The following ZNF341 variants were observed in gnomAD, a reference collection of about 807,000 sequenced individuals.
The protein encoded by ZNF341 is zinc finger protein 341.
Under a neutral mutation model 87.7 loss-of-function variants are expected in ZNF341, and 52 were observed. That is an observed-to-expected ratio of 0.59 (90% CI 0.47 to 0.75). ZNF341 has a LOEUF of 0.75. ZNF341 is among the 30% of genes least tolerant of loss of function. ZNF341 has a pLI of 0.00. For synonymous variants in ZNF341, 459 were observed against 472.7 expected, an observed-to-expected ratio of 0.97 and a Z score of 0.38; for missense variants, 977 against 1,145.9, an observed-to-expected ratio of 0.85 and a Z score of 2.13.
intron 3 of ZNF341, 127 bp downstream of exon 3, chr20:33,745,426 G>A (rs778363581): frequency 3.8e-5 from 34 of 890,816 alleles, no homozygotes; most frequent in South Asian, 2.4e-4. Context: ...GGAGTGGGGC[G>A]AGATGGATGG....
chr20:33,756,429 C>T (rs1281385648), intron 5 of ZNF341, among the ~76,000 whole-genome samples: 1 of 150,720 alleles, frequency 6.6e-6, no homozygotes, highest in Non-Finnish European at 1.5e-5. Flanking sequence ...TGCAGTGGCG[C>T]GATCTCGGCC....
At chr20:33,750,381 G>A (rs1253326259) in intron 4 of ZNF341, among the ~76,000 whole-genome samples, 6 of 152,124 alleles carry the variant, frequency 3.9e-5, no homozygotes, top group Non-Finnish European at 8.8e-5. Context: ...TTTCTCAACC[G>A]AGACTTTTTT....
intron 1 of ZNF341, among the ~76,000 whole-genome samples, chr20:33,738,286 T>A (rs2018733309): frequency 6.6e-6 from 1 of 152,076 alleles, no homozygotes; most frequent in South Asian, 2.1e-4. Context: ...ATAATAATAA[T>A]GATAATAATA....
At chr20:33,734,757 T>A (rs2018644193) in intron 1 of ZNF341, among the ~76,000 whole-genome samples, 1 of 152,142 alleles carries the variant, frequency 6.6e-6, no homozygotes, top group African/African-American at 2.4e-5. Flanking sequence ...CAGGCTGAAG[T>A]GCAGTGGTGC....
intron 12 of ZNF341, among the ~76,000 whole-genome samples, chr20:33,785,271 A>G (rs934381069): frequency 7.2e-5 from 11 of 152,160 alleles, no homozygotes; most frequent in African/African-American, 2.7e-4. Flanking sequence ...GGAAGCACAC[A>G]TAGGATGTAT....
chr20:33,770,343 G>GGGGGGGGGGCTGGCC, intron 10 of ZNF341, 51 bp downstream of exon 10: 1 of 511,254 alleles, frequency 2.0e-6, no homozygotes, highest in Non-Finnish European at 4.0e-6. Flanking sequence ...GGTGGGCAGG[G>GGGGGGGGGGCTGGCC]AGCCCAGGGC....
At chr20:33,766,049 AT>A (rs2019400020) in intron 8 of ZNF341, among the ~76,000 whole-genome samples, 1 of 151,590 alleles carries the variant, frequency 6.6e-6, no homozygotes, top group East Asian at 2.0e-4. Context: ...CGCCCAGATA[AT>A]TTTTTTGTAT....
intron 1 of ZNF341, among the ~76,000 whole-genome samples, chr20:33,737,416 G>A (rs748466124): frequency 2.0e-5 from 3 of 152,128 alleles, no homozygotes; most frequent in Non-Finnish European, 2.9e-5. Flanking sequence ...CCGCCTCCTG[G>A]GTTCACGCCA....
In ZNF341 at chr20:33,781,320, C is replaced by T. The variant is rs369266608; in HGVS notation, c.1652C>T (p.Thr551Ile). The T allele has an allele frequency of 3.4e-5, 55 of 1,613,988 alleles. No individual in the cohort carries two copies. The highest frequency in any genetic ancestry group is 4.6e-5 in the Non-Finnish European group (54 of 1,179,990). The change falls in exon 11 of 15, where the codon ACC becomes ATC. Residue 551 changes from threonine to isoleucine, a missense_variant. Around this residue, in one of 3 missense-constraint regions of ZNF341, gnomAD observed 241 missense variants for 335.0 expected, o/e 0.72. Transcript: ENST00000375200. ...KCVKCVNKYS[T>I]PEALEHHLQT... ...GTCAAATGTGTCAACAAATACTCCA[C>T]CCCTGAGGCCCTGGAGCACCACCTG...
chr20:33,758,801 C>T lies in ZNF341; in HGVS notation c.1023C>T (p.Ile341=), dbSNP rs865997750. 6.2e-7 allele frequency: 1 copy of T among 1,613,822 alleles called. No individual in the cohort carries two copies. The highest frequency in any genetic ancestry group is 8.5e-7 in the Non-Finnish European group (1 of 1,179,902). ...AAAACTTTGACCTGCAGCAGCACAT[C>T]CGAAGGTACACATGCGTGGTGAGGC... ...FTKNFDLQQH[I]RSHTGEKPFQ... The change falls in exon 7 of 15, where the codon ATC becomes ATT. Residue 341 remains isoleucine, a synonymous_variant. Transcript: ENST00000375200.
At chr20:33,770,413 A>C in intron 10 of ZNF341, 121 bp downstream of exon 10, 1 of 1,035,118 alleles carries the variant, frequency 9.7e-7, no homozygotes, top group Non-Finnish European at 1.4e-6. Context: ...GGAGAAACCG[A>C]GGCTCCTGGC....
chr20:33,748,391 TGA>T (rs1422727652), intron 3 of ZNF341, among the ~76,000 whole-genome samples: 2 of 152,170 alleles, frequency 1.3e-5, no homozygotes, highest in Non-Finnish European at 2.9e-5. Flanking sequence ...GTATTATTAC[TGA>T]GTCATAGGGT....
At chr20:33,748,400 G>A (rs17090694) in intron 3 of ZNF341, among the ~76,000 whole-genome samples, 5,114 of 152,242 alleles carry the variant, frequency 0.034, 263 homozygotes, top group African/African-American at 0.12. Context: ...CTGAGTCATA[G>A]GGTATGTACT....
intron 6 of ZNF341, among the ~76,000 whole-genome samples, chr20:33,758,241 T>C (rs1375110090): frequency 6.6e-6 from 1 of 152,186 alleles, no homozygotes; most frequent in Non-Finnish European, 1.5e-5. Flanking sequence ...TGGAAAATGA[T>C]TCTACCTATT....
intron 12 of ZNF341, among the ~76,000 whole-genome samples, chr20:33,784,615 C>CTTT (rs542593728): frequency 2.7e-4 from 38 of 139,598 alleles, no homozygotes; most frequent in Non-Finnish European, 5.2e-4. Flanking sequence ...ACTTTTTATT[C>CTTT]TTTTTTTTTT....
intron 12 of ZNF341, chr20:33,787,872 C>T (rs1440181532): frequency 6.6e-6 from 1 of 152,284 alleles, no homozygotes; most frequent in East Asian, 1.9e-4. Flanking sequence ...GGGTGGACCG[C>T]ATTGCCAGAA....
intron 14 of ZNF341, among the ~76,000 whole-genome samples, chr20:33,790,167 G>C (rs765690345): frequency 2.6e-5 from 4 of 151,608 alleles, no homozygotes; most frequent in Non-Finnish European, 5.9e-5. Flanking sequence ...TGCCTCCCAG[G>C]TTCAAGCGAT....
Position 33,780,503 on chromosome 20 carries a change from G to A in ZNF341, c.1623-788G>A, listed in dbSNP as rs1360496626. On this transcript the variant is annotated intron_variant, in intron 10 of 14. Coordinates refer to ENST00000375200, the MANE Select transcript of ZNF341 (RefSeq NM_001282933.2). ...GCTCACTGCAACCTCCGCCTCCTGG[G>A]TTTAAGTGATTCTCCTGACTCAGTC... is the stretch of plus-strand genomic sequence containing the variant. Among the ~76,000 whole-genome samples, 3 of 152,054 alleles carry A rather than the reference G, an allele frequency of 2.0e-5. No homozygotes were observed. In the East Asian group the frequency reaches 5.8e-4, roughly 29 times the overall value.
intron 4 of ZNF341, chr20:33,752,271 A>G (rs2626537): frequency 0.34 from 204,089 of 594,048 alleles, 41,074 homozygotes; most frequent in East Asian, 0.76. Context: ...TCCTCATAAC[A>G]TTTTCTGGAC....
Sources: allele counts gnomAD v4.1 joint callset (sites outside exome capture counted in the v4.1 genomes callset), GRCh38; gene constraint gnomAD v4.1.1; regional missense constraint gnomAD v4.1.1; transcripts MANE v1.5; gene names NCBI Gene and HGNC (gene_info 2026-07-23, HGNC 2026-07-21).